ARID4B: variants seen among roughly 807,000 people sequenced by gnomAD.
The protein encoded by ARID4B is AT-rich interactive domain-containing protein 4B.
In ARID4B, 26 loss-of-function variants were observed where a neutral mutation model predicts 147.5. That is an observed-to-expected ratio of 0.18 (90% CI 0.13 to 0.24). The LOEUF (loss-of-function observed/expected upper bound fraction) is 0.24, where lower values mean the gene tolerates loss of function less well. Ranked by LOEUF, ARID4B falls within the 10% of genes least tolerant of loss-of-function variation. The probability of loss-of-function intolerance (pLI) is 1.00; values close to 1 mark genes in which losing one functional copy is unlikely to be tolerated. For missense variants in ARID4B, 1,179 were observed against 1,511.5 expected, an observed-to-expected ratio of 0.78 and a Z score of 3.65; for synonymous variants, 512 against 507.9, an observed-to-expected ratio of 1.01 and a Z score of -0.11.
chr1:235,248,114 T>C (rs1429568134), intron 6 of ARID4B, among the ~76,000 whole-genome samples: 1 of 152,198 alleles, frequency 6.6e-6, no homozygotes, highest in African/African-American at 2.4e-5. Context: ...AGTGGCGGCA[T>C]GATCATTGCT....
At chr1:235,211,713 G>A (rs1249162963) in intron 17 of ARID4B, among the ~76,000 whole-genome samples, 1 of 152,042 alleles carries the variant, frequency 6.6e-6, no homozygotes, top group African/African-American at 2.4e-5. Context: ...GGGACTACAG[G>A]CATGCAACAC....
chr1:235,205,471 C>CT (rs1345128410), intron 17 of ARID4B, among the ~76,000 whole-genome samples: 1 of 152,048 alleles, frequency 6.6e-6, no homozygotes, highest in Non-Finnish European at 1.5e-5. Flanking sequence ...CAAATATGAA[C>CT]TCAGATTAGA....
At chr1:235,212,071 C>A (rs1666751294) in intron 17 of ARID4B, among the ~76,000 whole-genome samples, 1 of 152,000 alleles carries the variant, frequency 6.6e-6, no homozygotes, top group Admixed American at 6.6e-5. Flanking sequence ...ATGGCAAAAC[C>A]CCATCTCTAC....
Position 235,223,222 on chromosome 1 carries a change from T to G in ARID4B, c.1009A>C (p.Asn337His). 1 of 1,595,950 alleles carries G rather than the reference T, an allele frequency of 6.3e-7. No individual in the cohort carries two copies. The highest frequency in any genetic ancestry group is 8.5e-7 in the Non-Finnish European group (1 of 1,171,638). ...CTGAATAACTTAAAGAGATTCAAAT[T>G]TCGATATCCAAGTACAGGTCGTTTG... is the stretch of plus-strand genomic sequence containing the variant. Reference protein sequence around the residue: ...INKRPVLGYRNLNLFKLFRLV... With the variant: ...INKRPVLGYRHLNLFKLFRLV... The change falls in exon 13 of 24, where the codon AAT becomes CAT. Residue 337 changes from asparagine (N) to histidine (H), a missense_variant. Physicochemically the swap from Asn to His is moderately conservative, Grantham distance 68. This residue lies in a region of ARID4B where 26 missense variants were observed against 77.9 expected (regional missense o/e 0.33). Coordinates refer to ENST00000264183, the MANE Select transcript of ARID4B (RefSeq NM_016374.6).
At chr1:235,277,531 C>T (rs1273987326) in intron 2 of ARID4B, among the ~76,000 whole-genome samples, 4 of 116,642 alleles carry the variant, frequency 3.4e-5, no homozygotes, top group East Asian at 2.1e-4. Context: ...AGCGAGACTC[C>T]GTCTCAAAAA....
chr1:235,316,880 C>G (rs1241225792), intron 2 of ARID4B, among the ~76,000 whole-genome samples: 1 of 152,074 alleles, frequency 6.6e-6, no homozygotes, highest in African/African-American at 2.4e-5. Flanking sequence ...CACAAAAAAT[C>G]AGAAATGCTA....
At chr1:235,248,394 T>A (rs1030264872) in intron 6 of ARID4B, among the ~76,000 whole-genome samples, 1 of 152,126 alleles carries the variant, frequency 6.6e-6, no homozygotes, top group Non-Finnish European at 1.5e-5. Flanking sequence ...TGGTGAAAAT[T>A]TCTATGTAAT....
At position 235,246,271 on chromosome 1, in the gene ARID4B, A is replaced by C. The variant is rs1669294695; in HGVS notation, c.446+149T>G. 4.7e-6 allele frequency: 3 copies of C among 638,540 alleles called. No homozygotes were observed. The East Asian group carries it at 8.3e-5, about 18-fold the overall frequency. 39.6% of individuals were successfully genotyped at this position (638,540 alleles called of 1,614,324 possible). On this transcript the variant is annotated intron_variant, in intron 7 of 23. Coordinates refer to ENST00000264183, the MANE Select transcript of ARID4B (RefSeq NM_016374.6). ...TGAGCATGGAGAACCTCAATCACCC[A>C]TGCTGAGGAGTCTGAAATTACTATT... is the stretch of plus-strand genomic sequence containing the variant.
chr1:235,172,855 G>C (rs1008676266), intron 22 of ARID4B, 91 bp from the exon 23 acceptor site: 1 of 1,089,506 alleles, frequency 9.2e-7, no homozygotes, highest in African/African-American at 1.6e-5. Flanking sequence ...TGCTGAATAA[G>C]GTTGAGGCAG....
Position 235,219,775 on chromosome 1 carries a change from C to T in ARID4B, c.1583+18G>A. Reference sequence around the variant, plus strand: ...CCATCAAGCTGAAATGCATCGTAACCAAAAACAATTTTCTTACCCAGATTT... The same window carrying T: ...CCATCAAGCTGAAATGCATCGTAACTAAAAACAATTTTCTTACCCAGATTT... On this transcript the variant is annotated intron_variant, in intron 16 of 23. Coordinates refer to ENST00000264183, the MANE Select transcript of ARID4B (RefSeq NM_016374.6). 6.3e-7 allele frequency: 1 copy of T among 1,579,544 alleles called. No homozygotes were observed. The highest frequency in any genetic ancestry group is 2.3e-5 in the East Asian group (1 of 43,728).
At chr1:235,265,561 T>C (rs1558260097) in intron 2 of ARID4B, among the ~76,000 whole-genome samples, 1 of 152,014 alleles carries the variant, frequency 6.6e-6, no homozygotes, top group East Asian at 1.9e-4. Context: ...TAGCCAAGCA[T>C]GGTGGCACCT....
intron 16 of ARID4B, 132 bp from the exon 17 acceptor site, chr1:235,214,158 C>T: frequency 9.0e-7 from 1 of 1,109,232 alleles, no homozygotes; most frequent in South Asian, 2.1e-5. Flanking sequence ...GTATGAAATT[C>T]TCAGAGTTTC....
At chr1:235,302,065 C>T (rs1673186652) in intron 2 of ARID4B, among the ~76,000 whole-genome samples, 1 of 139,580 alleles carries the variant, frequency 7.2e-6, no homozygotes, top group Non-Finnish European at 1.5e-5. Flanking sequence ...AACTCCTAGG[C>T]TCAAGTGATC....
chr1:235,173,877 T>A (rs1430667227), intron 22 of ARID4B, among the ~76,000 whole-genome samples: 2 of 136,096 alleles, frequency 1.5e-5, no homozygotes, highest in African/African-American at 5.4e-5. Flanking sequence ...ATTTCTCACA[T>A]ATACAAAAGT....
intron 2 of ARID4B, among the ~76,000 whole-genome samples, chr1:235,274,543 C>A: frequency 6.6e-6 from 1 of 151,970 alleles, no homozygotes; most frequent in South Asian, 2.1e-4. Flanking sequence ...CAAGATAAAA[C>A]AATAATAAAG....
At chr1:235,176,780 C>T (rs1184033692) in intron 21 of ARID4B, 14 of 464,178 alleles carry the variant, frequency 3.0e-5, no homozygotes, top group South Asian at 6.2e-5. Flanking sequence ...AGCAGAACCT[C>T]GGGGAGCTGG....
At chr1:235,189,803 G>A (rs1408764095) in intron 19 of ARID4B, among the ~76,000 whole-genome samples, 1 of 152,144 alleles carries the variant, frequency 6.6e-6, no homozygotes, top group East Asian at 1.9e-4. Flanking sequence ...CACTTTGGGA[G>A]GCTGAGACAG....
In ARID4B at chr1:235,230,594, T is replaced by TAAAAAAAAAAAAAAAAAAA. The variant is rs1175996354; in HGVS notation, c.742+500_742+518dup. On this transcript the variant is annotated intron_variant, in intron 10 of 23. Coordinates refer to ENST00000264183, the MANE Select transcript of ARID4B (RefSeq NM_016374.6). ...TAGATTATTATGCCTGACTATAAGC[T>TAAAAAAAAAAAAAAAAAAA]AAAAAAAAAAAAAAAAAAAAAACCA... Among the ~76,000 whole-genome samples the TAAAAAAAAAAAAAAAAAAA allele has an allele frequency of 2.6e-4, 15 of 58,394 alleles. 1 individual carries two copies. Among genetic ancestry groups the TAAAAAAAAAAAAAAAAAAA allele is most frequent in the African/African-American group, 8.7e-4 (13 of 14,998 alleles). The allele number at this position is 58,394 out of a possible 152,430, so 38.3% of individuals were successfully genotyped here.
chr1:235,233,302 C>T (rs1258534389), intron 9 of ARID4B, among the ~76,000 whole-genome samples: 4 of 151,790 alleles, frequency 2.6e-5, no homozygotes, highest in Admixed American at 1.3e-4. Context: ...ACAAAAATAG[C>T]CAGGTGTAGT....
Sources: gnomAD v4.1 joint callset for allele counts (sites outside exome capture counted in the v4.1 genomes callset) on GRCh38, gnomAD v4.1.1 for gene constraint, gnomAD v4.1.1 regional missense constraint, MANE v1.5 for transcripts, NCBI Gene and HGNC (gene_info 2026-07-23, HGNC 2026-07-21) for gene names.